The following LCA5L variants were observed in gnomAD, a reference collection of about 807,000 sequenced individuals.
LCA5L encodes lebercilin-like protein.
In LCA5L, 35 loss-of-function variants were observed where a neutral mutation model predicts 45.4. That is an observed-to-expected ratio of 0.77 (90% CI 0.59 to 1.02). The LOEUF is 1.02. Ranked by LOEUF, LCA5L falls within the 50% of genes least tolerant of loss-of-function variation. The pLI is 0.00. For synonymous variants in LCA5L, 233 were observed against 264.7 expected (o/e 0.88, Z 1.16); for missense variants, 668 against 761.6 (o/e 0.88, Z 1.45).
chr21:39,440,543 A>C (rs1355156118), intron 2 of LCA5L, among the ~76,000 whole-genome samples: 2 of 152,188 alleles, frequency 1.3e-5, no homozygotes, highest in African/African-American at 4.8e-5. Flanking sequence ...CTCAAAAAAA[A>C]ACAAAACAAA....
At chr21:39,428,576 TTTTA>T (rs1431419883) in intron 4 of LCA5L, 73 bp from the exon 5 acceptor site, 1 of 85,146 alleles carries the variant, frequency 1.2e-5, no homozygotes, top group Non-Finnish European at 2.2e-5. Context: ...CTATGCTTTA[TTTTA>T]TATATATATA....
At chr21:39,411,377 C>A (rs1028635431) in intron 8 of LCA5L, among the ~76,000 whole-genome samples, 3 of 152,142 alleles carry the variant, frequency 2.0e-5, no homozygotes, top group Non-Finnish European at 4.4e-5. Context: ...GTCAAGTATA[C>A]CCCAATAAAG....
At chr21:39,425,281 G>C (rs2074471491) in intron 5 of LCA5L, among the ~76,000 whole-genome samples, 1 of 152,164 alleles carries the variant, frequency 6.6e-6, no homozygotes, top group Admixed American at 6.5e-5. Context: ...GTCTGCTCCA[G>C]GTGGTGGGAA....
At chr21:39,432,092 C>G (rs921028498) in intron 3 of LCA5L, among the ~76,000 whole-genome samples, 3 of 152,086 alleles carry the variant, frequency 2.0e-5, no homozygotes, top group Non-Finnish European at 4.4e-5. Context: ...GTCATGAATG[C>G]TTTATAGAGT....
intron 6 of LCA5L, 50 bp downstream of exon 6, chr21:39,422,922 CCTCT>C (rs760289171): frequency 1.3e-5 from 20 of 1,523,768 alleles, no homozygotes; most frequent in South Asian, 7.3e-5. Context: ...TAATTCACAC[CCTCT>C]CTCTATTAAC....
At chr21:39,436,712 C>T (rs999685605) in intron 2 of LCA5L, among the ~76,000 whole-genome samples, 4 of 152,116 alleles carry the variant, frequency 2.6e-5, no homozygotes, top group African/African-American at 4.8e-5. Context: ...AACTCCTAGA[C>T]TCAAGTGATC....
intron 7 of LCA5L, among the ~76,000 whole-genome samples, chr21:39,413,082 C>T (rs969330261): frequency 1.3e-5 from 2 of 152,158 alleles, no homozygotes; most frequent in African/African-American, 2.4e-5. Flanking sequence ...TTTATTTGAC[C>T]AGACTGAGAA....
intron 6 of LCA5L, among the ~76,000 whole-genome samples, chr21:39,421,368 G>A (rs1000611342): frequency 2.6e-5 from 4 of 152,138 alleles, no homozygotes; most frequent in African/African-American, 7.2e-5. Flanking sequence ...TATTACGGGC[G>A]AGAGGCCACT....
At chr21:39,442,375 T>C (rs2076955014) in intron 2 of LCA5L, among the ~76,000 whole-genome samples, 1 of 152,030 alleles carries the variant, frequency 6.6e-6, no homozygotes, top group South Asian at 2.1e-4. Context: ...ATGTGGATCA[T>C]TAATCCAAGG....
intron 10 of LCA5L, chr21:39,406,826 G>A: frequency 1.8e-5 from 8 of 451,138 alleles, no homozygotes; most frequent in Non-Finnish European, 2.7e-5. Flanking sequence ...CAAGCAGATG[G>A]GAATTATGAA....
intron 7 of LCA5L, among the ~76,000 whole-genome samples, chr21:39,414,752 G>C (rs1318545940): frequency 6.2e-4 from 92 of 148,652 alleles, no homozygotes; most frequent in African/African-American, 2.1e-3. Context: ...CTGTGTGTGT[G>C]TGTGTGTGTG....
At chr21:39,422,778 A>C (rs1304403950) in intron 6 of LCA5L, 198 bp downstream of exon 6, 2 of 591,192 alleles carry the variant, frequency 3.4e-6, no homozygotes, top group Non-Finnish European at 5.9e-6. Flanking sequence ...GAACATTTCT[A>C]GTTTGAGCTG....
At position 39,410,280 on chromosome 21, in the gene LCA5L, G is replaced by A; in HGVS notation, c.1148C>T (p.Pro383Leu). Residue 383 changes from proline (P) to leucine (L), a missense_variant, in exon 9 of 11, where the codon CCA (proline) becomes CTA (leucine). Pro to Leu is a moderately conservative substitution (Grantham distance 98). Transcript: ENST00000288350. ...TTGCTGTACCTTAGTTGTCAAAGGT[G>A]GAACATCTGATTTTTGGGTTCCCTG... ...RHQGTQKSDVPPLTTKGKKAT... is the reference protein window; with the variant it reads ...RHQGTQKSDVLPLTTKGKKAT... 3.7e-6 allele frequency: 6 copies of A among 1,604,722 alleles called. No homozygotes were observed. Among genetic ancestry groups the A allele is most frequent in the Non-Finnish European group, 3.4e-6 (4 of 1,174,404 alleles).
Position 39,405,877 on chromosome 21 carries a change from T to C in LCA5L, c.*5A>G. 1.3e-6 allele frequency: 2 copies of C among 1,549,452 alleles called. No homozygotes were observed. The highest frequency in any genetic ancestry group is 1.8e-6 in the Non-Finnish European group (2 of 1,138,284). The stretch of plus-strand genomic sequence containing the variant: ...AACCAGAATGCATTAGGATATTGAT[T>C]ATATTTAAATAATTATTTTTCTTTT... On this transcript the variant is annotated 3_prime_UTR_variant, in exon 11 of 11. Coordinates refer to ENST00000288350, the MANE Select transcript of LCA5L (RefSeq NM_152505.4).
intron 3 of LCA5L, among the ~76,000 whole-genome samples, chr21:39,429,711 T>C (rs1204066889): frequency 2.6e-5 from 4 of 152,134 alleles, no homozygotes; most frequent in African/African-American, 9.7e-5. Context: ...TTGTGAACCT[T>C]TGCATCTAGA....
At chr21:39,419,826 A>G (rs1419750586) in intron 7 of LCA5L, among the ~76,000 whole-genome samples, 2 of 152,206 alleles carry the variant, frequency 1.3e-5, no homozygotes, top group Non-Finnish European at 2.9e-5. Flanking sequence ...CATCTTATCT[A>G]AATTGTTGGA....
In LCA5L at chr21:39,445,735, C is replaced by T. The variant is rs1046225929; in HGVS notation, c.-323G>A. 2.0e-5 allele frequency: 3 copies of T among 152,308 alleles called. No individual in the cohort carries two copies. The highest frequency in any genetic ancestry group is 6.5e-5 in the Admixed American group (1 of 15,288). The allele number at this position is 152,308 out of a possible 1,614,324, so 9.4% of individuals were successfully genotyped here. ...CAGCGGGGCCGTTACCTGCTCCGCG[C>T]TGTTCCCACGACTGCGCCAACGCCG... On this transcript the variant is annotated 5_prime_UTR_variant, in exon 1 of 11. Transcript: ENST00000288350.
intron 7 of LCA5L, among the ~76,000 whole-genome samples, chr21:39,420,065 G>A (rs981621711): frequency 2.0e-5 from 3 of 152,138 alleles, no homozygotes; most frequent in Non-Finnish European, 4.4e-5. Flanking sequence ...TACTTAACGT[G>A]ATGAAATAGG....
chr21:39,406,290 A>G lies in LCA5L; in HGVS notation c.1605T>C (p.His535=), dbSNP rs2046414181. 6.2e-7 allele frequency: 1 copy of G among 1,614,104 alleles called. No homozygotes were observed. Among genetic ancestry groups the G allele is most frequent in the African/African-American group, 1.3e-5 (1 of 74,936 alleles). The part of the protein sequence containing the change: ...SFTEATENLH[H]GLPASGGPAN... ...CTGGCCCCCCTGAAGCAGGAAGCCCATGATGCAGGTTTTCAGTTGCTTCTG... is the reference window on the plus strand; with the variant it reads ...CTGGCCCCCCTGAAGCAGGAAGCCCGTGATGCAGGTTTTCAGTTGCTTCTG... The change falls in exon 11 of 11, where the codon CAT becomes CAC. Residue 535 remains histidine (H), a synonymous_variant. Coordinates refer to ENST00000288350, the MANE Select transcript of LCA5L (RefSeq NM_152505.4).
Sources: allele counts gnomAD v4.1 joint callset (sites outside exome capture counted in the v4.1 genomes callset), GRCh38; gene constraint gnomAD v4.1.1; transcripts MANE v1.5; gene names NCBI Gene and HGNC (gene_info 2026-07-23, HGNC 2026-07-21).